ANAPC13: variants seen among roughly 807,000 people sequenced by gnomAD.
ANAPC13 encodes anaphase promoting complex subunit 13.
Under a neutral mutation model 9.6 loss-of-function variants are expected in ANAPC13, and 9 were observed. The ratio of observed to expected loss-of-function variants is 0.94; its 90% CI spans 0.57 to 1.64. ANAPC13 has a LOEUF of 1.64. Among genes scored for constraint, ANAPC13 ranks in the 40% most tolerant of loss-of-function variants. ANAPC13 has a pLI of 0.00. For missense variants in ANAPC13, 75 were observed against 85.3 expected, an observed-to-expected ratio of 0.88 and a Z score of 0.48; for synonymous variants, 30 against 29.7, an observed-to-expected ratio of 1.01 and a Z score of -0.03.
intron 1 of ANAPC13, chr3:134,485,180 C>G (rs1934998157): frequency 6.6e-6 from 1 of 152,204 alleles, no homozygotes; most frequent in Non-Finnish European, 1.5e-5. Flanking sequence ...TGCCTTCCCT[C>G]ATAAGGGGCT....
intron 1 of ANAPC13, among the ~76,000 whole-genome samples, chr3:134,484,272 C>T (rs1045943007): frequency 2.6e-5 from 4 of 151,942 alleles, no homozygotes; most frequent in African/African-American, 9.7e-5. Flanking sequence ...CCCAGCTACT[C>T]GGGAGGCTGA....
intron 2 of ANAPC13, among the ~76,000 whole-genome samples, chr3:134,480,468 A>C (rs1463576654): frequency 6.6e-6 from 1 of 152,240 alleles, no homozygotes; most frequent in African/African-American, 2.4e-5. Context: ...TACTCTTATC[A>C]AAAGGTGAAA....
At chr3:134,479,628 C>T (rs900345357) in intron 2 of ANAPC13, among the ~76,000 whole-genome samples, 5 of 152,068 alleles carry the variant, frequency 3.3e-5, no homozygotes, top group South Asian at 2.1e-4. Flanking sequence ...GGATTACAGG[C>T]GCGAGCCACC....
At position 134,481,994 on chromosome 3, in the gene ANAPC13, TG is replaced by T. The variant is rs377766979; in HGVS notation, c.99+811del. On this transcript the variant is annotated intron_variant, in intron 2 of 2. Coordinates refer to ENST00000354910, the MANE Select transcript of ANAPC13 (RefSeq NM_015391.4). ...AGCTTGAACTAAGCTATGACTTATTTGATATGTATATTATTCATTGAACATA... is the reference window on the plus strand; with the variant it reads ...AGCTTGAACTAAGCTATGACTTATTTATATGTATATTATTCATTGAACATA... Among the ~76,000 whole-genome samples the T allele has an allele frequency of 8.9e-4, 135 of 152,392 alleles. 1 individual carries two copies. Among genetic ancestry groups the T allele is most frequent in the African/African-American group, 3.2e-3 (133 of 41,592 alleles).
chr3:134,478,755 C>G, intron 2 of ANAPC13, 40 bp from the exon 3 acceptor site: 2 of 1,607,316 alleles, frequency 1.2e-6, no homozygotes, highest in South Asian at 2.2e-5. Flanking sequence ...GTAATATATT[C>G]TGCATCTTCT....
chr3:134,483,030 T>G, intron 1 of ANAPC13, 99 bp from the exon 2 acceptor site: 1 of 789,694 alleles, frequency 1.3e-6, no homozygotes, highest in Non-Finnish European at 2.1e-6. Flanking sequence ...GGCCACCTTT[T>G]GGGAAAAGGT....
In ANAPC13 at chr3:134,482,840, T is replaced by C. The variant is rs758572628; in HGVS notation, c.65A>G (p.Asp22Gly). ...LDLIDDAWRE[D>G]KLPYEDVAIP... ...TGCGACATCCTCATAAGGCAGCTTG[T>C]CTTCTCGCCAAGCATCATCAATCAA... The change falls in exon 2 of 3, where the codon GAC (aspartate) becomes GGC (glycine). Residue 22 changes from aspartate (D) to glycine (G), a missense_variant. Coordinates refer to ENST00000354910, the MANE Select transcript of ANAPC13 (RefSeq NM_015391.4). 1.2e-6 allele frequency: 2 copies of C among 1,614,212 alleles called. No individual in the cohort carries two copies. The highest frequency in any genetic ancestry group is 8.5e-7 in the Non-Finnish European group (1 of 1,180,024).
At chr3:134,480,428 T>C (rs1934710382) in intron 2 of ANAPC13, among the ~76,000 whole-genome samples, 1 of 152,228 alleles carries the variant, frequency 6.6e-6, no homozygotes, top group Non-Finnish European at 1.5e-5. Context: ...CATTATGGTG[T>C]ACTGTAAAAT....
chr3:134,484,278 G>A (rs1934868203), intron 1 of ANAPC13, among the ~76,000 whole-genome samples: 1 of 152,308 alleles, frequency 6.6e-6, no homozygotes, highest in East Asian at 1.9e-4. Context: ...TACTCGGGAG[G>A]CTGAGGCAGG....
intron 2 of ANAPC13, among the ~76,000 whole-genome samples, chr3:134,482,339 G>T (rs1273530768): frequency 6.6e-6 from 1 of 152,200 alleles, no homozygotes; most frequent in Non-Finnish European, 1.5e-5. Flanking sequence ...TGGCCTAAAC[G>T]CAAAAGAATA....
At position 134,478,398 on chromosome 3, in the gene ANAPC13, G is replaced by A. The variant is rs139367774; in HGVS notation, c.*192C>T. 7.5e-5 allele frequency: 54 copies of A among 715,736 alleles called. 1 individual carries two copies. Among genetic ancestry groups the A allele is most frequent in the African/African-American group, 7.1e-4 (40 of 56,294 alleles). The allele number at this position is 715,736 out of a possible 1,614,324, so 44.3% of individuals were successfully genotyped here. A position where few individuals can be genotyped will look rare whatever the true frequency, so the allele number is the denominator to read the frequency against. ...ATGAAGAGTTTTAGGTTTAAAGAGC[G>A]AAATATTCACCATTACTGAGAAATC... On this transcript the variant is annotated 3_prime_UTR_variant, in exon 3 of 3. Transcript: ENST00000354910.
chr3:134,479,618 G>C (rs1386549713), intron 2 of ANAPC13, among the ~76,000 whole-genome samples: 1 of 152,058 alleles, frequency 6.6e-6, no homozygotes, highest in Non-Finnish European at 1.5e-5. Context: ...CAAAGTGCTG[G>C]GATTACAGGC....
intron 2 of ANAPC13, 62 bp downstream of exon 2, chr3:134,482,744 C>T: frequency 7.8e-7 from 1 of 1,285,904 alleles, no homozygotes; most frequent in Admixed American, 1.7e-5. Context: ...TGATATCCCT[C>T]CTCCACTAGT....
chr3:134,485,911 G>A lies in ANAPC13; in HGVS notation c.-28+41C>T, dbSNP rs549986727. 326 of 879,102 alleles carry A rather than the reference G, an allele frequency of 3.7e-4. 2 individuals are homozygous for A. In the Admixed American group the frequency reaches 0.011, roughly 30 times the overall value. 54.5% of individuals were successfully genotyped at this position (879,102 alleles called of 1,614,324 possible). A position where few individuals can be genotyped will look rare whatever the true frequency, so the allele number is the denominator to read the frequency against. ...GACACTGAGCAACGAACGCATTCCC[G>A]CGCCTCCAAAACCTAGGCCGGGGGC... On this transcript the variant is annotated intron_variant, in intron 1 of 2. Transcript: ENST00000354910.
intron 1 of ANAPC13, among the ~76,000 whole-genome samples, chr3:134,484,068 C>G (rs1252907633): frequency 2.0e-5 from 3 of 152,168 alleles, no homozygotes; most frequent in Admixed American, 6.5e-5. Context: ...TGGGCCAAGG[C>G]AGGTGGAAGT....
Position 134,478,226 on chromosome 3 carries a change from T to C in ANAPC13, c.*364A>G, listed in dbSNP as rs1163136443. 2 of 179,758 alleles carry C rather than the reference T, an allele frequency of 1.1e-5. No homozygotes were observed. Among genetic ancestry groups the C allele is most frequent in the Non-Finnish European group, 2.3e-5 (2 of 86,580 alleles). 11.1% of individuals were successfully genotyped at this position (179,758 alleles called of 1,614,324 possible). On this transcript the variant is annotated 3_prime_UTR_variant, in exon 3 of 3. Transcript: ENST00000354910. ...TAATTCTCCTAGTGTCTGGCTTCCT[T>C]TTTCTTTGCCTTTCCCTCTCATACG...
rs151170068 is a variant in ANAPC13 at position 134,478,588 on chromosome 3, C to T, written c.*2G>A. 7.3e-5 allele frequency: 118 copies of T among 1,612,010 alleles called. No homozygotes were observed. The African/African-American group carries it at 9.5e-4, about 13-fold the overall frequency. On this transcript the variant is annotated 3_prime_UTR_variant, in exon 3 of 3. Coordinates refer to ENST00000354910, the MANE Select transcript of ANAPC13 (RefSeq NM_015391.4). ...ATCCATCCACAAGAAAGGAGCCAAGCGTCAGTTTCCAATGGGGGGAACATT... is the reference window on the plus strand; with the variant it reads ...ATCCATCCACAAGAAAGGAGCCAAGTGTCAGTTTCCAATGGGGGGAACATT...
At chr3:134,479,638 C>G (rs753597409) in intron 2 of ANAPC13, among the ~76,000 whole-genome samples, 1 of 152,136 alleles carries the variant, frequency 6.6e-6, no homozygotes, top group African/African-American at 2.4e-5. Flanking sequence ...CGCGAGCCAC[C>G]GCGCCTGGCC....
At chr3:134,483,815 C>T (rs1934800569) in intron 1 of ANAPC13, among the ~76,000 whole-genome samples, 1 of 152,218 alleles carries the variant, frequency 6.6e-6, no homozygotes, top group African/African-American at 2.4e-5. Flanking sequence ...ACTATGGAGA[C>T]TCACACAATA....
Sources: allele counts gnomAD v4.1 joint callset (sites outside exome capture counted in the v4.1 genomes callset), GRCh38; gene constraint gnomAD v4.1.1; transcripts MANE v1.5; gene names NCBI Gene and HGNC (gene_info 2026-07-23, HGNC 2026-07-21).